The following RAP1A variants were observed in gnomAD, a reference collection of about 807,000 sequenced individuals.
RAP1A encodes the protein ras-related protein Rap-1A.
Under a neutral mutation model 26.4 loss-of-function variants are expected in RAP1A, and 6 were observed. The ratio of observed to expected loss-of-function variants is 0.23; its 90% confidence interval spans 0.12 to 0.45. The LOEUF (loss-of-function observed/expected upper bound fraction) is 0.45. Among genes scored for constraint, RAP1A ranks in the 20% least tolerant of loss-of-function variants. The probability of loss-of-function intolerance (pLI) is 0.99; values close to 1 mark genes in which losing one functional copy is unlikely to be tolerated. For missense variants in RAP1A, 121 were observed against 217.2 expected, an observed-to-expected ratio of 0.56 and a Z score of 2.78; for synonymous variants, 73 against 79.4, an observed-to-expected ratio of 0.92 and a Z score of 0.43.
intron 1 of RAP1A, chr1:111,649,299 A>G: frequency 2.2e-6 from 1 of 447,068 alleles, no homozygotes; most frequent in South Asian, 1.8e-5. Flanking sequence ...CTGTCCAGGT[A>G]GGAGGCCAGG....
At chr1:111,649,672 T>A (rs1303523520) in intron 1 of RAP1A, 1 of 156,306 alleles carries the variant, frequency 6.4e-6, no homozygotes, top group African/African-American at 2.4e-5. Flanking sequence ...TTATTACTGA[T>A]TCTGACTTGA....
Position 111,571,005 on chromosome 1 carries a change from C to T in RAP1A, c.-28+28496C>T, listed in dbSNP as rs191222556. On this transcript the variant is annotated intron_variant, in intron 1 of 7. Coordinates refer to the RAP1A transcript ENST00000356415. The stretch of plus-strand genomic sequence containing the variant: ...CACTAACTACTGGAGCTGGCACAGA[C>T]CCCACAGGGTAAGGGCTCAGTCTCA... 2.7e-3 allele frequency among the ~76,000 whole-genome samples: 415 copies of T among 152,302 alleles called. 2 individuals carry two copies. The highest frequency in any genetic ancestry group is 4.1e-3 in the Non-Finnish European group (282 of 68,012).
chr1:111,648,966 G>A, intron 1 of RAP1A: 1 of 655,606 alleles, frequency 1.5e-6, no homozygotes, highest in Non-Finnish European at 2.9e-6. Context: ...TTCGTTGAGA[G>A]CCTCGATCTC....
intron 1 of RAP1A, among the ~76,000 whole-genome samples, chr1:111,652,469 A>G (rs473068): frequency 0.12 from 17,974 of 151,994 alleles, 1,397 homozygotes; most frequent in East Asian, 0.21. Flanking sequence ...AATGGTTTTT[A>G]CTTTTTAAAG....
At chr1:111,633,507 GT>G (rs1659636882) in intron 1 of RAP1A, among the ~76,000 whole-genome samples, 1 of 152,120 alleles carries the variant, frequency 6.6e-6, no homozygotes, top group South Asian at 2.1e-4. Context: ...TTATTTGCAT[GT>G]TTAGATTTTC....
In RAP1A at chr1:111,709,219, C is replaced by T. The variant is rs1446708108; in HGVS notation, c.539C>T (p.Ser180Leu). 1 of 1,613,304 alleles carries T rather than the reference C, an allele frequency of 6.2e-7. No individual in the cohort carries two copies. Among genetic ancestry groups the T allele is most frequent in the Non-Finnish European group, 8.5e-7 (1 of 1,179,734 alleles). The change falls in exon 7 of 8, where the codon TCA (serine) becomes TTA (leucine). Residue 180 changes from serine (S) to leucine (L), a missense_variant. By Grantham distance (145) the Ser-to-Leu change is moderately radical. Coordinates refer to ENST00000369709, the MANE Select transcript of RAP1A (RefSeq NM_002884.4). ...PVEKKKPKKK[S>L]CLLL is the part of the protein sequence containing the mutation. ...GAAAAGAAGAAGCCTAAAAAGAAATCATGTCTGCTGCTCTAGGCCCATAGT... is the reference window on the plus strand; with the variant it reads ...GAAAAGAAGAAGCCTAAAAAGAAATTATGTCTGCTGCTCTAGGCCCATAGT...
At chr1:111,673,353 C>G (rs1356863822) in intron 1 of RAP1A, among the ~76,000 whole-genome samples, 2 of 152,188 alleles carry the variant, frequency 1.3e-5, no homozygotes, top group East Asian at 1.9e-4. Flanking sequence ...TTTCTGATCA[C>G]TAAATTTCCT....
chr1:111,652,546 A>G (rs1441381062), intron 1 of RAP1A, among the ~76,000 whole-genome samples: 1 of 152,166 alleles, frequency 6.6e-6, no homozygotes, highest in East Asian at 1.9e-4. Context: ...ACAAAGCATA[A>G]AACATTTACC....
intron 1 of RAP1A, among the ~76,000 whole-genome samples, chr1:111,551,721 T>G (rs1201153580): frequency 6.6e-6 from 1 of 151,374 alleles, no homozygotes; most frequent in Non-Finnish European, 1.5e-5. Flanking sequence ...GGCAGTGGTT[T>G]TTTGGTTTTG....
chr1:111,597,748 G>A (rs1455634756), intron 1 of RAP1A, among the ~76,000 whole-genome samples: 3 of 152,108 alleles, frequency 2.0e-5, no homozygotes, highest in Non-Finnish European at 4.4e-5. Flanking sequence ...TGAAGTTGGC[G>A]GTGGAGGGGT....
At chr1:111,702,330 T>C (rs1248233404) in intron 4 of RAP1A, among the ~76,000 whole-genome samples, 1 of 152,132 alleles carries the variant, frequency 6.6e-6, no homozygotes, top group Non-Finnish European at 1.5e-5. Context: ...ACCAAAACTT[T>C]TCTAAAAGAA....
chr1:111,641,412 G>T (rs1345823972), intron 1 of RAP1A, among the ~76,000 whole-genome samples: 1 of 152,124 alleles, frequency 6.6e-6, no homozygotes, highest in Non-Finnish European at 1.5e-5. Flanking sequence ...ATTTAACTGG[G>T]AGCTTTGAGA....
chr1:111,559,131 AAAT>A (rs1404918437), intron 1 of RAP1A, among the ~76,000 whole-genome samples: 1 of 152,186 alleles, frequency 6.6e-6, no homozygotes, highest in Non-Finnish European at 1.5e-5. Context: ...ACTAAGTGAT[AAAT>A]AATAATAATG....
intron 1 of RAP1A, among the ~76,000 whole-genome samples, chr1:111,572,357 A>G (rs1343670034): frequency 6.6e-6 from 1 of 152,238 alleles, no homozygotes; most frequent in Non-Finnish European, 1.5e-5. Flanking sequence ...AGCTGAGATT[A>G]AGGAAAGATG....
upstream of RAP1A, among the ~76,000 whole-genome samples, chr1:111,615,648 T>C (rs987439309): frequency 2.2e-4 from 33 of 151,782 alleles, no homozygotes; most frequent in Non-Finnish European, 5.9e-5. Flanking sequence ...CTGGCCAACA[T>C]GGTGAAACCC....
At chr1:111,643,537 C>G (rs1659959111) in intron 1 of RAP1A, among the ~76,000 whole-genome samples, 1 of 152,190 alleles carries the variant, frequency 6.6e-6, no homozygotes, top group Non-Finnish European at 1.5e-5. Context: ...TGTGAACTCT[C>G]TCCTCCTCAA....
chr1:111,686,713 A>AG (rs1553226002), intron 1 of RAP1A: 5 of 148,820 alleles, frequency 3.4e-5, no homozygotes, highest in African/African-American at 1.0e-4. Context: ...AAAAAAAAAA[A>AG]GTTAGTTTAT....
chr1:111,626,399 ACAT>A (rs1475428516), intron 1 of RAP1A, among the ~76,000 whole-genome samples: 1 of 145,334 alleles, frequency 6.9e-6, no homozygotes, highest in African/African-American at 2.6e-5. Context: ...ACACACACAC[ACAT>A]ATGCATGTAT....
At chr1:111,644,058 A>C (rs2101123461) in intron 1 of RAP1A, among the ~76,000 whole-genome samples, 1 of 152,272 alleles carries the variant, frequency 6.6e-6, no homozygotes, top group Middle Eastern at 3.4e-3. Context: ...AATCTCCTTA[A>C]AGTCAGCTGA....
Sources: allele counts gnomAD v4.1 joint callset (sites outside exome capture counted in the v4.1 genomes callset), GRCh38; gene constraint gnomAD v4.1.1; transcripts MANE v1.5; gene names NCBI Gene and HGNC (gene_info 2026-07-23, HGNC 2026-07-21).